CFAP157: variants seen among roughly 807,000 people sequenced by gnomAD.
The protein encoded by CFAP157 is cilia and flagella associated protein 157, also known as cilia- and flagella-associated protein 157.
CFAP157 carries 43 observed loss-of-function variants against 57.8 expected under a neutral mutation model. That is an observed-to-expected ratio of 0.74 (90% CI 0.58 to 0.96). The LOEUF (loss-of-function observed/expected upper bound fraction) is 0.96, where lower values mean the gene tolerates loss of function less well. Among genes scored for constraint, CFAP157 ranks in the 40% least tolerant of loss-of-function variants. The pLI is 0.00. For synonymous variants in CFAP157, 267 were observed against 269.0 expected, an observed-to-expected ratio of 0.99 and a Z score of 0.07; for missense variants, 606 against 655.3, an observed-to-expected ratio of 0.92 and a Z score of 0.82.
At chr9:127,711,089 C>T (rs1022584097) in intron 3 of CFAP157, 140 bp from the exon 4 acceptor site, 1 of 1,075,462 alleles carries the variant, frequency 9.3e-7, no homozygotes, top group African/African-American at 1.6e-5. Flanking sequence ...GAAAGCCTCC[C>T]ACCCATAGCC....
Position 127,715,743 on chromosome 9 carries a change from C to T in CFAP157, c.*1838C>T, listed in dbSNP as rs1311318688. 2 of 1,536,618 alleles carry T rather than the reference C, an allele frequency of 1.3e-6. No homozygotes were observed. Among genetic ancestry groups the T allele is most frequent in the Non-Finnish European group, 1.7e-6 (2 of 1,147,204 alleles). ...TCCACCGCCAACGTCCAATCCGGGC[C>T]GGGCTACGTGGCCGCCATGCTTCTG... On this transcript the variant is annotated 3_prime_UTR_variant, in exon 9 of 9. Coordinates refer to ENST00000373295, the MANE Select transcript of CFAP157 (RefSeq NM_001012502.3). The surrounding 1 kb of genome is among the most constrained non-coding windows in gnomAD (Gnocchi z 5.8).
In CFAP157 at chr9:127,715,971, A is replaced by G; in HGVS notation, c.*2066A>G. 3.2e-6 allele frequency: 3 copies of G among 943,652 alleles called. No individual in the cohort carries two copies. Among genetic ancestry groups the G allele is most frequent in the Non-Finnish European group, 4.9e-6 (3 of 616,762 alleles). The allele number at this position is 943,652 out of a possible 1,614,324, so 58.5% of individuals were successfully genotyped here. ...AGTCCTTTCCCCGCTGTAGGCCTCA[A>G]CCTCTCCAGCTAATAAAAGTTTTCT... On this transcript the variant is annotated 3_prime_UTR_variant, in exon 9 of 9. Coordinates refer to ENST00000373295, the MANE Select transcript of CFAP157 (RefSeq NM_001012502.3). The surrounding 1 kb of genome is among the most constrained non-coding windows in gnomAD (Gnocchi z 5.8).
In CFAP157 at chr9:127,712,888, C is replaced by A; in HGVS notation, c.1304+13C>A. On this transcript the variant is annotated intron_variant, in intron 7 of 8. Coordinates refer to ENST00000373295, the MANE Select transcript of CFAP157 (RefSeq NM_001012502.3). ...CACCCAAGGAGAGGTAAGCAAGTGG[C>A]CCTGTGTGGCCTCAGAGGCAGCCAC... The A allele has an allele frequency of 6.2e-7, 1 of 1,603,916 alleles. No homozygotes were observed. Among genetic ancestry groups the A allele is most frequent in the Non-Finnish European group, 8.5e-7 (1 of 1,174,804 alleles).
Position 127,714,287 on chromosome 9 carries a change from G to A in CFAP157, c.*382G>A. ...CACCCGCAGCCTTGGCATTGCCTGT[G>A]GGAGAGCCAGAGAGGCCCAGGAAGC... On this transcript the variant is annotated 3_prime_UTR_variant, in exon 9 of 9. Transcript: ENST00000373295. The A allele has an allele frequency of 3.1e-6, 5 of 1,613,974 alleles. No homozygotes were observed. The highest frequency in any genetic ancestry group is 4.2e-6 in the Non-Finnish European group (5 of 1,179,916).
At chr9:127,710,292 A>C (rs1465608811) in intron 2 of CFAP157, among the ~76,000 whole-genome samples, 3 of 147,752 alleles carry the variant, frequency 2.0e-5, no homozygotes, top group African/African-American at 5.4e-5. Flanking sequence ...CAAAAAAAAA[A>C]AAAAAAACAA....
chr9:127,715,567 G>A lies in CFAP157; in HGVS notation c.*1662G>A, dbSNP rs1225685704. ...ACCATCCACCGCTTCCCCGGGGGGC[G>A]AGGCTCCAAAACACATCGGCTCATG... On this transcript the variant is annotated 3_prime_UTR_variant, in exon 9 of 9. Coordinates refer to ENST00000373295, the MANE Select transcript of CFAP157 (RefSeq NM_001012502.3). The surrounding 1 kb of genome is among the most constrained non-coding windows in gnomAD (Gnocchi z 5.8). The A allele has an allele frequency of 5.0e-6, 8 of 1,613,398 alleles. No homozygotes were observed. The highest frequency in any genetic ancestry group is 1.7e-5 in the Admixed American group (1 of 60,008).
At position 127,712,355 on chromosome 9, in the gene CFAP157, C is replaced by A; in HGVS notation, c.1137+6C>A. The A allele has an allele frequency of 6.2e-7, 1 of 1,613,540 alleles. No homozygotes were observed. The highest frequency in any genetic ancestry group is 8.5e-7 in the Non-Finnish European group (1 of 1,179,882). ...TCCTACAGAACATTCTGCAGGTGAGCAGAAGGGAGAGAGGGAGGGCGCAAG... is the reference window on the plus strand; with the variant it reads ...TCCTACAGAACATTCTGCAGGTGAGAAGAAGGGAGAGAGGGAGGGCGCAAG... On this transcript the variant is annotated splice_donor_region_variant and intron_variant, in intron 6 of 8. Transcript: ENST00000373295.
chr9:127,711,257 A>G lies in CFAP157; in HGVS notation c.616A>G (p.Asn206Asp). ...RLRKEIIQRV[N>D]LVANEFHKVT... Reference sequence around the variant, plus strand: ...GAGGAAAGAGATCATCCAGCGCGTGAACCTCGTGGCCAATGAGTTCCACAA... The same window carrying G: ...GAGGAAAGAGATCATCCAGCGCGTGGACCTCGTGGCCAATGAGTTCCACAA... The change falls in exon 4 of 9, where the codon AAC (asparagine) becomes GAC (aspartate). Residue 206 changes from asparagine (N) to aspartate (D), a missense_variant. Asn to Asp is a conservative substitution (Grantham distance 23). Transcript: ENST00000373295. 6.2e-7 allele frequency: 1 copy of G among 1,614,180 alleles called. No individual in the cohort carries two copies. Among genetic ancestry groups the G allele is most frequent in the Non-Finnish European group, 8.5e-7 (1 of 1,180,028 alleles).
In CFAP157 at chr9:127,715,539, C is replaced by G; in HGVS notation, c.*1634C>G. 6.2e-7 allele frequency: 1 copy of G among 1,613,492 alleles called. No homozygotes were observed. The highest frequency in any genetic ancestry group is 8.5e-7 in the Non-Finnish European group (1 of 1,180,038). ...GCCCCTACGTCGCCGCCCCACGCCA[C>G]TCACCATCCACCGCTTCCCCGGGGG... On this transcript the variant is annotated 3_prime_UTR_variant, in exon 9 of 9. Transcript: ENST00000373295. The surrounding 1 kb of genome is among the most constrained non-coding windows in gnomAD (Gnocchi z 5.8).
chr9:127,714,562 C>G lies in CFAP157; in HGVS notation c.*657C>G. The G allele has an allele frequency of 1.3e-6, 2 of 1,597,924 alleles. No individual in the cohort carries two copies. Among genetic ancestry groups the G allele is most frequent in the Non-Finnish European group, 1.7e-6 (2 of 1,165,704 alleles). ...GCCCTACTCCACCCCAACTGGGAGG[C>G]CTGAAGCCCTATCCCAACCCTGACC... On this transcript the variant is annotated 3_prime_UTR_variant, in exon 9 of 9. Coordinates refer to ENST00000373295, the MANE Select transcript of CFAP157 (RefSeq NM_001012502.3).
chr9:127,715,468 C>T lies in CFAP157; in HGVS notation c.*1563C>T. 1 of 1,597,282 alleles carries T rather than the reference C, an allele frequency of 6.3e-7. No homozygotes were observed. On this transcript the variant is annotated 3_prime_UTR_variant, in exon 9 of 9. Coordinates refer to ENST00000373295, the MANE Select transcript of CFAP157 (RefSeq NM_001012502.3). The surrounding 1 kb of genome is among the most constrained non-coding windows in gnomAD (Gnocchi z 5.8). ...AAAACAGAGCAGCAATTTGGGGGCA[C>T]TCGGCTCCCGGGACATAATGGCCGA...
At position 127,713,840 on chromosome 9, in the gene CFAP157, GC is replaced by G. The variant is rs1428107540; in HGVS notation, c.1502del (p.Pro501LeufsTer4). ...FRAHSSPEMR[A>X]PGSLKRLEKF... ...AGCATCTTTAATCTTACAGATGCGT[GC>G]CCCTGGTTCTCTAAAAAGGCTTGAA... On this transcript the variant is annotated frameshift_variant, in exon 9 of 9. Transcript: ENST00000373295. LOFTEE classifies it high-confidence loss of function. The G allele has an allele frequency of 1.2e-6, 2 of 1,613,786 alleles. No individual in the cohort carries two copies. The highest frequency in any genetic ancestry group is 1.7e-6 in the Non-Finnish European group (2 of 1,179,954).
At chr9:127,707,621 T>G (rs7864002) in intron 1 of CFAP157, among the ~76,000 whole-genome samples, 5,778 of 152,246 alleles carry the variant, frequency 0.038, 380 homozygotes, top group African/African-American at 0.13. Flanking sequence ...CAGTTGTTTC[T>G]CCATGCTGGG....
rs1842880271 is a variant in CFAP157 at position 127,714,669 on chromosome 9, T to TCCC, written c.*764_*765insCCC. 1.2e-6 allele frequency: 2 copies of TCCC among 1,613,460 alleles called. No individual in the cohort carries two copies. The highest frequency in any genetic ancestry group is 2.7e-5 in the African/African-American group (2 of 74,856). On this transcript the variant is annotated 3_prime_UTR_variant, in exon 9 of 9. Coordinates refer to ENST00000373295, the MANE Select transcript of CFAP157 (RefSeq NM_001012502.3). ...CTTGTCCAGCTCATCATGCACCAGG[T>TCCC]AGACTTCCTCGGCAGTCAGCCCAAA...
chr9:127,712,910 C>T (rs544952716), intron 7 of CFAP157, 35 bp downstream of exon 7: 2 of 1,594,858 alleles, frequency 1.3e-6, no homozygotes, highest in Admixed American at 3.5e-5. Flanking sequence ...TCAGAGGCAG[C>T]CACAGAGAGC....
chr9:127,710,889 T>C (rs1275951626), intron 3 of CFAP157, 135 bp downstream of exon 3: 1 of 989,398 alleles, frequency 1.0e-6, no homozygotes, highest in Non-Finnish European at 1.5e-6. Flanking sequence ...AACCTGCTAC[T>C]CCTTGGAATC....
intron 5 of CFAP157, 87 bp from the exon 6 acceptor site, chr9:127,712,112 G>T: frequency 1.3e-6 from 2 of 1,554,628 alleles, no homozygotes; most frequent in Non-Finnish European, 1.7e-6. Flanking sequence ...CTGTGGGCTT[G>T]GAGAGAAATG....
Position 127,715,773 on chromosome 9 carries a change from G to T in CFAP157, c.*1868G>T. The T allele has an allele frequency of 6.7e-7, 1 of 1,496,042 alleles. No individual in the cohort carries two copies. The highest frequency in any genetic ancestry group is 8.9e-7 in the Non-Finnish European group (1 of 1,125,774). The allele number at this position is 1,496,042 out of a possible 1,614,324, so 92.7% of individuals were successfully genotyped here. ...TACGTGGCCGCCATGCTTCTGAGGG[G>T]CGGAAGCGGCGAGGCGGTGGCCGAG... is the stretch of plus-strand genomic sequence containing the variant. On this transcript the variant is annotated 3_prime_UTR_variant, in exon 9 of 9. Coordinates refer to ENST00000373295, the MANE Select transcript of CFAP157 (RefSeq NM_001012502.3). The surrounding 1 kb of genome is among the most constrained non-coding windows in gnomAD (Gnocchi z 5.8).
chr9:127,710,796 T>C (rs1218513519), intron 3 of CFAP157, 42 bp downstream of exon 3: 1 of 1,547,466 alleles, frequency 6.5e-7, no homozygotes, highest in Non-Finnish European at 8.7e-7. Flanking sequence ...GGAGGCTTCA[T>C]CCCTGGGGCT....
Sources: gnomAD v4.1 joint callset for allele counts (sites outside exome capture counted in the v4.1 genomes callset) on GRCh38, gnomAD v4.1.1 for gene constraint, Gnocchi (gnomAD v3.1) non-coding constraint, MANE v1.5 for transcripts, NCBI Gene and HGNC (gene_info 2026-07-23, HGNC 2026-07-21) for gene names.